The following CDH20 variants were observed in gnomAD, a reference collection of about 807,000 sequenced individuals.
CDH20 encodes the protein cadherin-20.
CDH20 carries 29 observed loss-of-function variants against 74.2 expected under a neutral mutation model. The ratio of observed to expected loss-of-function variants is 0.39; its 90% CI spans 0.29 to 0.53. The LOEUF (loss-of-function observed/expected upper bound fraction) is 0.53. Among genes scored for constraint, CDH20 ranks in the 20% least tolerant of loss-of-function variants. The probability of loss-of-function intolerance (pLI) is 0.69; values close to 1 mark genes in which losing one functional copy is unlikely to be tolerated. For synonymous variants in CDH20, 469 were observed against 405.4 expected (o/e 1.16, Z -1.88); for missense variants, 988 against 1,048.3 (o/e 0.94, Z 0.79).
At chr18:61,485,573 C>T (rs1910730350) in intron 1 of CDH20, among the ~76,000 whole-genome samples, 1 of 152,088 alleles carries the variant, frequency 6.6e-6, no homozygotes, top group African/African-American at 2.4e-5. Context: ...GATAGAACCT[C>T]TGTAGTAAAT....
At chr18:61,354,453 C>CA (rs1323601318) in intron 1 of CDH20, among the ~76,000 whole-genome samples, 13 of 152,090 alleles carry the variant, frequency 8.5e-5, no homozygotes, top group African/African-American at 3.1e-4. Flanking sequence ...ACAAGAAATA[C>CA]AAAAAATTAG....
At chr18:61,508,886 C>A (rs1265242210) in intron 6 of CDH20, among the ~76,000 whole-genome samples, 6 of 152,220 alleles carry the variant, frequency 3.9e-5, no homozygotes, top group South Asian at 2.1e-4. Context: ...ATCTGCCCCC[C>A]TCAGCCTCCC....
chr18:61,348,497 T>G (rs1384729830), intron 1 of CDH20, among the ~76,000 whole-genome samples: 1 of 152,194 alleles, frequency 6.6e-6, no homozygotes, highest in African/African-American at 2.4e-5. Flanking sequence ...GGGTTTCTGA[T>G]TTCTGATGGC....
intron 1 of CDH20, among the ~76,000 whole-genome samples, chr18:61,349,583 G>C (rs1910239421): frequency 1.3e-5 from 2 of 152,146 alleles, no homozygotes; most frequent in Non-Finnish European, 2.9e-5. Context: ...ACACAGCACA[G>C]TGACAATTAT....
Position 61,554,184 on chromosome 18 carries a change from T to C in CDH20, c.1901-6T>C, listed in dbSNP as rs748671820. On this transcript the variant is annotated splice_polypyrimidine_tract_variant and splice_region_variant and intron_variant, in intron 11 of 11. Transcript: ENST00000262717. ...GTAAACACACTCTCCTTTTTGTTCCTGGCAGTGCTGGTGTTGCTCATTTTG... is the reference window on the plus strand; with the variant it reads ...GTAAACACACTCTCCTTTTTGTTCCCGGCAGTGCTGGTGTTGCTCATTTTG... 3 of 1,604,944 alleles carry C rather than the reference T, an allele frequency of 1.9e-6. No homozygotes were observed. In the South Asian group the frequency reaches 3.3e-5, roughly 18 times the overall value.
chr18:61,490,349 G>A (rs574765156), intron 1 of CDH20, 53 bp from the exon 2 acceptor site: 7 of 523,108 alleles, frequency 1.3e-5, no homozygotes, highest in African/African-American at 3.8e-5. Flanking sequence ...CTTGCAACCC[G>A]CCTGCAGGAA....
At chr18:61,343,671 G>A (rs1568102538) in intron 1 of CDH20, among the ~76,000 whole-genome samples, 2 of 152,176 alleles carry the variant, frequency 1.3e-5, no homozygotes, top group Non-Finnish European at 2.9e-5. Flanking sequence ...CCTTCCACAT[G>A]AGAAATGTTT....
At chr18:61,482,865 C>A (rs1015982068) in intron 1 of CDH20, among the ~76,000 whole-genome samples, 1 of 152,070 alleles carries the variant, frequency 6.6e-6, no homozygotes, top group Non-Finnish European at 1.5e-5. Context: ...ATTCCAAATA[C>A]TTCAATCCAA....
intron 1 of CDH20, among the ~76,000 whole-genome samples, chr18:61,442,384 A>AC (rs1555676911): frequency 1.2e-3 from 174 of 150,424 alleles, no homozygotes; most frequent in African/African-American, 3.8e-3. Flanking sequence ...AAAAAAAAAA[A>AC]CAGAAGCAAA....
chr18:61,478,217 A>C (rs374200845), intron 1 of CDH20, among the ~76,000 whole-genome samples: 1 of 152,002 alleles, frequency 6.6e-6, no homozygotes, highest in Non-Finnish European at 1.5e-5. Context: ...AAAAAAAGTA[A>C]AATGTTTTTC....
At chr18:61,373,038 T>C (rs1199619558) in intron 1 of CDH20, among the ~76,000 whole-genome samples, 2 of 152,146 alleles carry the variant, frequency 1.3e-5, no homozygotes, top group African/African-American at 4.8e-5. Context: ...CTAGACTCTG[T>C]GGGCTCATGG....
chr18:61,373,893 C>T (rs1241421388), intron 1 of CDH20, among the ~76,000 whole-genome samples: 1 of 152,118 alleles, frequency 6.6e-6, no homozygotes, highest in Non-Finnish European at 1.5e-5. Context: ...TCCTCAAAGA[C>T]AAGGGACTGA....
At chr18:61,339,490 C>T (rs1422019429) in intron 1 of CDH20, among the ~76,000 whole-genome samples, 1 of 151,880 alleles carries the variant, frequency 6.6e-6, no homozygotes, top group African/African-American at 2.4e-5. Flanking sequence ...CACCAACTTC[C>T]TTCCAGCCTT....
chr18:61,435,829 A>G (rs545670054), intron 1 of CDH20, among the ~76,000 whole-genome samples: 2 of 152,122 alleles, frequency 1.3e-5, no homozygotes, highest in East Asian at 3.9e-4. Context: ...ATGTTTTTTA[A>G]TATATTCACA....
chr18:61,485,710 A>C (rs73451487), intron 1 of CDH20, among the ~76,000 whole-genome samples: 2,265 of 152,294 alleles, frequency 0.015, 51 homozygotes, highest in African/African-American at 0.051. Context: ...TCAACATTAA[A>C]TCAGAATACA....
At chr18:61,389,109 G>GT (rs1355360261) in intron 1 of CDH20, among the ~76,000 whole-genome samples, 1 of 152,124 alleles carries the variant, frequency 6.6e-6, no homozygotes, top group Non-Finnish European at 1.5e-5. Context: ...TGCAGGATGG[G>GT]TGGGGCTCCC....
chr18:61,420,592 A>T (rs1039610628), intron 1 of CDH20, among the ~76,000 whole-genome samples: 8 of 152,170 alleles, frequency 5.3e-5, no homozygotes, highest in African/African-American at 1.7e-4. Context: ...TTTCAAAAAA[A>T]TTTTTGAGTG....
intron 1 of CDH20, among the ~76,000 whole-genome samples, chr18:61,441,157 T>C (rs1290022432): frequency 1.3e-5 from 2 of 152,148 alleles, no homozygotes; most frequent in African/African-American, 2.4e-5. Context: ...CCCTATGATA[T>C]AATAGCCCTC....
intron 4 of CDH20, among the ~76,000 whole-genome samples, chr18:61,501,326 G>T (rs1911377609): frequency 7.3e-6 from 1 of 137,644 alleles, no homozygotes; most frequent in South Asian, 2.2e-4. Context: ...TTTGAGCTTG[G>T]CAAAGTTATT....
Sources: gnomAD v4.1 joint callset for allele counts (sites outside exome capture counted in the v4.1 genomes callset) on GRCh38, gnomAD v4.1.1 for gene constraint, MANE v1.5 for transcripts, NCBI Gene and HGNC (gene_info 2026-07-23, HGNC 2026-07-21) for gene names.